The following PDSS2 variants were observed in gnomAD, a reference collection of about 807,000 sequenced individuals.
PDSS2 encodes the protein decaprenyl diphosphate synthase subunit 2, also known as all trans-polyprenyl-diphosphate synthase PDSS2.
PDSS2 carries 31 observed loss-of-function variants against 44.5 expected under a neutral mutation model. That is an observed-to-expected ratio of 0.70 (90% CI 0.52 to 0.94). PDSS2 has a LOEUF of 0.94. Ranked by LOEUF, PDSS2 falls within the 40% of genes least tolerant of loss-of-function variation. The probability of loss-of-function intolerance (pLI) is 0.00; values close to 1 mark genes in which losing one functional copy is unlikely to be tolerated. For synonymous variants in PDSS2, 157 were observed against 180.3 expected (o/e 0.87, Z 1.03); for missense variants, 452 against 482.2 (o/e 0.94, Z 0.59).
intron 1 of PDSS2, among the ~76,000 whole-genome samples, chr6:107,353,261 A>G (rs1458419050): frequency 6.6e-6 from 1 of 152,210 alleles, no homozygotes; most frequent in Non-Finnish European, 1.5e-5. Context: ...GATGTACACA[A>G]TCATTTTAGA....
At chr6:107,338,558 C>G (rs1301092452) in intron 1 of PDSS2, among the ~76,000 whole-genome samples, 1 of 152,092 alleles carries the variant, frequency 6.6e-6, no homozygotes, top group Non-Finnish European at 1.5e-5. Context: ...GGAATTGTTT[C>G]AGGGGATGAA....
At chr6:107,372,491 G>A (rs1432369306) in intron 1 of PDSS2, among the ~76,000 whole-genome samples, 1 of 152,044 alleles carries the variant, frequency 6.6e-6, no homozygotes, top group Admixed American at 6.6e-5. Context: ...TCGCTCTGTC[G>A]CCCAAGCTGG....
At chr6:107,155,144 T>C (rs1463859394) in intron 7 of PDSS2, among the ~76,000 whole-genome samples, 5 of 34,364 alleles carry the variant, frequency 1.5e-4, no homozygotes, top group Non-Finnish European at 3.3e-4. Flanking sequence ...ATTCTTCCCT[T>C]TTTTTTTTTT....
At chr6:107,231,079 G>A (rs962372711) in intron 4 of PDSS2, among the ~76,000 whole-genome samples, 3 of 151,984 alleles carry the variant, frequency 2.0e-5, no homozygotes, top group Non-Finnish European at 4.4e-5. Flanking sequence ...AAGAATTCAG[G>A]AATGGCTAAA....
chr6:107,351,205 A>G (rs937767513), intron 1 of PDSS2, among the ~76,000 whole-genome samples: 2 of 152,234 alleles, frequency 1.3e-5, no homozygotes, highest in African/African-American at 4.8e-5. Context: ...TCTGTCCAAA[A>G]GGTAATGAAT....
intron 3 of PDSS2, among the ~76,000 whole-genome samples, chr6:107,265,011 C>CA (rs1775368477): frequency 6.6e-6 from 1 of 152,080 alleles, no homozygotes; most frequent in South Asian, 2.1e-4. Flanking sequence ...AATGAAAACC[C>CA]AAGCATTAAT....
chr6:107,221,850 C>A (rs990334464), intron 4 of PDSS2, among the ~76,000 whole-genome samples: 1 of 152,132 alleles, frequency 6.6e-6, no homozygotes, highest in Non-Finnish European at 1.5e-5. Flanking sequence ...AACTAATTGG[C>A]CCGGAAAGGT....
rs780099323 is a variant in PDSS2, at chr6:107,212,165, C to A, written c.820G>T (p.Ala274Ser). Residue 274 changes from alanine to serine, a missense_variant, in exon 5 of 8, where the codon GCT becomes TCT. Coordinates refer to ENST00000369037, the MANE Select transcript of PDSS2 (RefSeq NM_020381.4). ...QAAMELAKHD[A>S]EVQNMAFQYG... is the part of the protein sequence containing the mutation. Reference sequence around the variant, plus strand: ...TGAAATGCCATATTCTGAACCTCAGCATCATGCTTTGCTAATTCCATTGCA... The same window carrying A: ...TGAAATGCCATATTCTGAACCTCAGAATCATGCTTTGCTAATTCCATTGCA... 6.2e-7 allele frequency: 1 copy of A among 1,614,138 alleles called. No homozygotes were observed. The highest frequency in any genetic ancestry group is 1.1e-5 in the South Asian group (1 of 91,088).
chr6:107,421,700 T>C (rs990984253), intron 1 of PDSS2, among the ~76,000 whole-genome samples: 1 of 151,532 alleles, frequency 6.6e-6, no homozygotes, highest in Non-Finnish European at 1.5e-5. Flanking sequence ...TGCTGCACTT[T>C]GTAGTCTCAA....
chr6:107,244,136 C>CAAACA (rs1774531963), intron 4 of PDSS2, among the ~76,000 whole-genome samples: 1 of 152,104 alleles, frequency 6.6e-6, no homozygotes, highest in Non-Finnish European at 1.5e-5. Context: ...CTCAAAAAAA[C>CAAACA]AAACAAAACA....
At chr6:107,158,733 T>TC (rs1554246161) in intron 7 of PDSS2, among the ~76,000 whole-genome samples, 1 of 151,866 alleles carries the variant, frequency 6.6e-6, no homozygotes, top group Admixed American at 6.6e-5. Flanking sequence ...CTGTTTTCTT[T>TC]TTTTTTTCCT....
chr6:107,174,053 C>A (rs1192300071), intron 7 of PDSS2, among the ~76,000 whole-genome samples: 3 of 152,170 alleles, frequency 2.0e-5, no homozygotes, highest in African/African-American at 7.2e-5. Context: ...GGTCTCACAG[C>A]ACACGGACGG....
intron 2 of PDSS2, among the ~76,000 whole-genome samples, chr6:107,329,820 T>A (rs1777655925): frequency 6.6e-6 from 1 of 152,142 alleles, no homozygotes; most frequent in South Asian, 2.1e-4. Flanking sequence ...CCCTGCTAGG[T>A]ACTTCTATAC....
At chr6:107,371,467 G>A (rs1779127186) in intron 1 of PDSS2, among the ~76,000 whole-genome samples, 1 of 152,174 alleles carries the variant, frequency 6.6e-6, no homozygotes, top group East Asian at 1.9e-4. Context: ...GGCAACTTGA[G>A]ACTATCTGCA....
At chr6:107,171,240 T>C (rs1031007216) in intron 7 of PDSS2, among the ~76,000 whole-genome samples, 3 of 152,052 alleles carry the variant, frequency 2.0e-5, no homozygotes, top group East Asian at 1.9e-4. Context: ...TAGTTCACTG[T>C]AGCCTCAACC....
In PDSS2 at chr6:107,449,576, T is replaced by TAGCATAATGTCTTCCATATTTCACTC. The variant is rs1314187276; in HGVS notation, c.296+9413_296+9414insGAGTGAAATATGGAAGACATTATGCT. Among the ~76,000 whole-genome samples the TAGCATAATGTCTTCCATATTTCACTC allele has an allele frequency of 4.1e-4, 62 of 152,322 alleles. 1 individual carries two copies. The highest frequency in any genetic ancestry group is 1.4e-3 in the African/African-American group (57 of 41,560). On this transcript the variant is annotated intron_variant, in intron 1 of 7. Transcript: ENST00000369037. ...CCTTTTGTGACTGGCTTATTTCACT[T>TAGCATAATGTCTTCCATATTTCACTC]AGCATAATGTCCTCCATATTTCACT... is the stretch of plus-strand genomic sequence containing the variant.
chr6:107,346,087 T>C (rs1778238328), intron 1 of PDSS2, among the ~76,000 whole-genome samples: 1 of 152,232 alleles, frequency 6.6e-6, no homozygotes, highest in Non-Finnish European at 1.5e-5. Context: ...ATTATTTATG[T>C]CCATAGAAAA....
intron 1 of PDSS2, among the ~76,000 whole-genome samples, chr6:107,417,982 A>G (rs1230919729): frequency 6.6e-6 from 1 of 152,196 alleles, no homozygotes; most frequent in African/African-American, 2.4e-5. Flanking sequence ...AAAAGGATAG[A>G]AAATCATATT....
intron 4 of PDSS2, among the ~76,000 whole-genome samples, chr6:107,224,050 C>G (rs1286962222): frequency 6.6e-6 from 1 of 151,240 alleles, no homozygotes. Context: ...GTTGCCTGCT[C>G]CATAATGCCT....
Sources: gnomAD v4.1 joint callset for allele counts (sites outside exome capture counted in the v4.1 genomes callset) on GRCh38, gnomAD v4.1.1 for gene constraint, MANE v1.5 for transcripts, NCBI Gene and HGNC (gene_info 2026-07-23, HGNC 2026-07-21) for gene names.